The following ALG12 variants were observed in gnomAD, a reference collection of about 807,000 sequenced individuals.
ALG12 encodes dol-P-Man:Man(7)GlcNAc(2)-PP-Dol alpha-1,6-mannosyltransferase.
In ALG12, 36 loss-of-function variants were observed where a neutral mutation model predicts 46.0. That is an observed-to-expected ratio of 0.78 (90% CI 0.60 to 1.03). ALG12 has a LOEUF of 1.03. Among genes scored for constraint, ALG12 ranks in the 50% least tolerant of loss-of-function variants. The pLI is 0.00. For synonymous variants in ALG12, 326 were observed against 291.6 expected (o/e 1.12, Z -1.20); for missense variants, 599 against 633.5 (o/e 0.95, Z 0.58).
chr22:49,918,070 CA>C (rs2060629084), intron 1 of ALG12, 192 bp downstream of exon 1: 2 of 109,770 alleles, frequency 1.8e-5, no homozygotes, highest in South Asian at 6.4e-4. Context: ...GGTCCAGCCC[CA>C]GGTGAGGAGC....
At chr22:49,860,182 C>G in the ALG12 span, among the ~76,000 whole-genome samples, 1 of 152,306 alleles carries the variant, frequency 6.6e-6, no homozygotes, top group African/African-American at 2.4e-5. Flanking sequence ...GCCTGGAGTT[C>G]CAGCTACTCA....
chr22:49,915,236 G>A (rs888437245), intron 1 of ALG12, among the ~76,000 whole-genome samples: 13 of 152,168 alleles, frequency 8.5e-5, no homozygotes, highest in African/African-American at 1.2e-4. Context: ...GGCCGGGCGC[G>A]GTCGCTCATT....
Position 49,905,443 on chromosome 22 carries a change from G to C in ALG12, c.993-937C>G, listed in dbSNP as rs1015293109. On this transcript the variant is annotated intron_variant, in intron 7 of 9. Transcript: ENST00000330817. The surrounding 1 kb of genome is among the most constrained non-coding windows in gnomAD (Gnocchi z 4.9). Reference sequence around the variant, plus strand: ...ATCCCCAATGCTGGAGGTGGGGCCTGGTGGGAGGTGACTGGGTCATGGAGG... The same window carrying C: ...ATCCCCAATGCTGGAGGTGGGGCCTCGTGGGAGGTGACTGGGTCATGGAGG... Among the ~76,000 whole-genome samples the C allele has an allele frequency of 2.0e-5, 3 of 152,156 alleles. No individual in the cohort carries two copies. The highest frequency in any genetic ancestry group is 2.9e-5 in the Non-Finnish European group (2 of 68,032).
chr22:49,889,643 C>A, the ALG12 span: 3 of 167,172 alleles, frequency 1.8e-5, no homozygotes, highest in Non-Finnish European at 4.4e-5. Flanking sequence ...CTCATACATT[C>A]CCTTCATTTC....
Position 49,907,845 on chromosome 22 carries a change from C to T in ALG12, c.868G>A (p.Ala290Thr), listed in dbSNP as rs2060551878. Residue 290 changes from alanine to threonine, a missense_variant, in exon 7 of 10, where the codon GCG becomes ACG. By Grantham distance (58) the Ala-to-Thr change is moderately conservative (BLOSUM62 0). Transcript: ENST00000330817. ...AAGCCCAGTGCCAGCACCGTCGGCG[C>T]GTGCGTCCTTCTGTCTACCAAGCCC... ...PLGLVDRRTH[A>T]PTVLALGFMA... 5.6e-6 allele frequency: 9 copies of T among 1,613,904 alleles called. No homozygotes were observed. Among genetic ancestry groups the T allele is most frequent in the East Asian group, 2.2e-5 (1 of 44,892 alleles).
the ALG12 span, chr22:49,885,299 C>G: frequency 4.4e-6 from 7 of 1,589,276 alleles, no homozygotes; most frequent in Non-Finnish European, 6.0e-6. Flanking sequence ...ACAGTGGTCA[C>G]AAAAAACAAT....
chr22:49,883,616 C>A, the ALG12 span: 1 of 1,476,916 alleles, frequency 6.8e-7, no homozygotes, highest in South Asian at 1.5e-5. Flanking sequence ...GCACTTGGAT[C>A]AGTGTTTTAT....
At chr22:49,887,297 G>A in the ALG12 span, 2 of 1,108,074 alleles carry the variant, frequency 1.8e-6, no homozygotes, top group Non-Finnish European at 2.6e-6. Context: ...CACTCTCAGG[G>A]CCGCTCTCCA....
chr22:49,864,470 A>T, the ALG12 span, among the ~76,000 whole-genome samples: 1 of 152,160 alleles, frequency 6.6e-6, no homozygotes. Flanking sequence ...ATGCTTCGCA[A>T]CTCAGGACAC....
In ALG12 at chr22:49,903,459, G is replaced by T; in HGVS notation, c.*379C>A. ...AAGCGTGGGGTGCTGCCAAAATACA[G>T]CTCCCCCTGGGTGGGCAGGACACAC... On this transcript the variant is annotated 3_prime_UTR_variant, in exon 10 of 10. Coordinates refer to ENST00000330817, the MANE Select transcript of ALG12 (RefSeq NM_024105.4). The T allele has an allele frequency of 2.1e-6, 1 of 473,878 alleles. No homozygotes were observed. Among genetic ancestry groups the T allele is most frequent in the South Asian group, 1.5e-5 (1 of 64,672 alleles). 29.4% of individuals were successfully genotyped at this position (473,878 alleles called of 1,614,324 possible).
At chr22:49,861,401 C>G in the ALG12 span, among the ~76,000 whole-genome samples, 3 of 152,272 alleles carry the variant, frequency 2.0e-5, no homozygotes, top group Non-Finnish European at 2.9e-5. Flanking sequence ...CTCAGTCTCT[C>G]AAAGTGGTGG....
chr22:49,885,117 C>T, the ALG12 span: 23 of 1,614,012 alleles, frequency 1.4e-5, no homozygotes, highest in South Asian at 2.2e-4. Context: ...GTGCCATCAG[C>T]CGGGGGAAGA....
At chr22:49,917,159 G>A (rs541749535) in intron 1 of ALG12, among the ~76,000 whole-genome samples, 5 of 152,336 alleles carry the variant, frequency 3.3e-5, no homozygotes, top group South Asian at 2.1e-4. Flanking sequence ...GAGGGTGAAC[G>A]GACACTGTCC....
At chr22:49,896,792 C>T (rs990084254), downstream of ALG12, among the ~76,000 whole-genome samples, 3 of 151,550 alleles carry the variant, frequency 2.0e-5, no homozygotes, top group Non-Finnish European at 2.9e-5. Context: ...CCTGCCACCA[C>T]GCCTGGCTAA....
At chr22:49,892,475 G>T in the ALG12 span, among the ~76,000 whole-genome samples, 1 of 152,242 alleles carries the variant, frequency 6.6e-6, no homozygotes. Flanking sequence ...AATTCCCAGT[G>T]TGCAGCTTCC....
chr22:49,879,446 C>T, the ALG12 span, among the ~76,000 whole-genome samples: 4 of 151,810 alleles, frequency 2.6e-5, no homozygotes, highest in African/African-American at 9.7e-5. Context: ...TATTTTTTTG[C>T]AGAGACGATG....
rs190464753 is a variant in ALG12, at chr22:49,900,944, A to C, written c.*2894T>G. 1.3e-3 allele frequency: 200 copies of C among 152,366 alleles called. No homozygotes were observed. Among genetic ancestry groups the C allele is most frequent in the African/African-American group, 4.3e-3 (180 of 41,556 alleles). 9.4% of individuals were successfully genotyped at this position (152,366 alleles called of 1,614,324 possible). ...GGTCTCTAACGCTGTTCCCCACCAA[A>C]GGGAGCCAAGACCCACAGAGCAATG... On this transcript the variant is annotated 3_prime_UTR_variant, in exon 10 of 10. Coordinates refer to ENST00000330817, the MANE Select transcript of ALG12 (RefSeq NM_024105.4).
At chr22:49,862,087 T>A in the ALG12 span, among the ~76,000 whole-genome samples, 3 of 152,178 alleles carry the variant, frequency 2.0e-5, no homozygotes, top group Non-Finnish European at 2.9e-5. Context: ...TTTGCTTCAA[T>A]CTGAATGTGA....
At chr22:49,886,405 G>C in the ALG12 span, 3 of 1,605,238 alleles carry the variant, frequency 1.9e-6, no homozygotes, top group Admixed American at 3.4e-5. The surrounding 1 kb of genome is among the most constrained non-coding windows in gnomAD (Gnocchi z 7.7). Flanking sequence ...GATGTCCGTC[G>C]AGTGTAACTT....
Sources: allele counts gnomAD v4.1 joint callset (sites outside exome capture counted in the v4.1 genomes callset), GRCh38; gene constraint gnomAD v4.1.1; non-coding constraint Gnocchi (gnomAD v3.1); transcripts MANE v1.5; gene names NCBI Gene and HGNC (gene_info 2026-07-23, HGNC 2026-07-21).